Variants in PPP2R3A observed in about 807,000 individuals in gnomAD.
The protein encoded by PPP2R3A is protein phosphatase 2 regulatory subunit B''alpha.
PPP2R3A carries 80 observed loss-of-function variants against 106.9 expected under a neutral mutation model. The observed-to-expected ratio is 0.75, with a 90% CI of 0.62 to 0.90. The LOEUF is 0.90. Among genes scored for constraint, PPP2R3A ranks in the 40% least tolerant of loss-of-function variants. The pLI, the probability that PPP2R3A is intolerant of heterozygous loss-of-function variation, is 0.00. For missense variants in PPP2R3A, 1,386 were observed against 1,350.4 expected (o/e 1.03, Z -0.41); for synonymous variants, 483 against 468.3 (o/e 1.03, Z -0.41).
At chr3:136,114,831 G>T (rs1937679216) in intron 13 of PPP2R3A, among the ~76,000 whole-genome samples, 1 of 152,176 alleles carries the variant, frequency 6.6e-6, no homozygotes, top group Non-Finnish European at 1.5e-5. Flanking sequence ...GAGCATGTGG[G>T]GGAAGGGGCA....
intron 10 of PPP2R3A, among the ~76,000 whole-genome samples, chr3:136,092,894 CA>C (rs1937127695): frequency 6.6e-6 from 1 of 152,150 alleles, no homozygotes; most frequent in Non-Finnish European, 1.5e-5. Flanking sequence ...GCCAAAACTG[CA>C]ATTACTTTTG....
intron 1 of PPP2R3A, among the ~76,000 whole-genome samples, chr3:135,985,446 C>T (rs1937600925): frequency 6.6e-6 from 1 of 151,696 alleles, no homozygotes; most frequent in East Asian, 1.9e-4. Flanking sequence ...CTCTCTCACA[C>T]ACACATACTC....
intron 13 of PPP2R3A, among the ~76,000 whole-genome samples, chr3:136,113,128 A>G (rs1275007230): frequency 6.6e-6 from 1 of 151,892 alleles, no homozygotes; most frequent in Non-Finnish European, 1.5e-5. Context: ...AGAAAAAAAA[A>G]ATCATATGAA....
At chr3:136,135,597 C>A (rs946865382) in intron 13 of PPP2R3A, among the ~76,000 whole-genome samples, 9 of 152,162 alleles carry the variant, frequency 5.9e-5, no homozygotes, top group Non-Finnish European at 1.2e-4. Context: ...GGTCCACTCA[C>A]CAGCTGGGCA....
chr3:136,011,318 G>GAGAT (rs1317591265), intron 2 of PPP2R3A, among the ~76,000 whole-genome samples: 2 of 151,854 alleles, frequency 1.3e-5, no homozygotes, highest in African/African-American at 4.8e-5. Context: ...AAACCTCTAT[G>GAGAT]AGAACAGGGA....
chr3:135,976,661 C>T (rs1186542715), intron 1 of PPP2R3A, among the ~76,000 whole-genome samples: 1 of 152,144 alleles, frequency 6.6e-6, no homozygotes, highest in Non-Finnish European at 1.5e-5. Context: ...AGTCCTCTCC[C>T]TTTGTGGTAT....
chr3:136,117,985 C>T (rs149095361), intron 13 of PPP2R3A, among the ~76,000 whole-genome samples: 3 of 152,288 alleles, frequency 2.0e-5, no homozygotes, highest in Non-Finnish European at 4.4e-5. Flanking sequence ...CAATAAAATA[C>T]TGGCAAACTG....
chr3:135,966,203 A>G (rs909230224), intron 1 of PPP2R3A, among the ~76,000 whole-genome samples: 1 of 152,130 alleles, frequency 6.6e-6, no homozygotes, highest in African/African-American at 2.4e-5. Context: ...GTTCGCCCGC[A>G]CAGCCCTCGG....
chr3:135,995,447 A>ATTTTT (rs60359404), intron 1 of PPP2R3A, among the ~76,000 whole-genome samples: 43 of 87,306 alleles, frequency 4.9e-4, no homozygotes, highest in Non-Finnish European at 6.6e-4. Context: ...ACGTTGACAG[A>ATTTTT]TTTTTTTTTT....
chr3:136,146,415 T>C lies in PPP2R3A; in HGVS notation c.*1249T>C, dbSNP rs1409764588. On this transcript the variant is annotated 3_prime_UTR_variant, in exon 14 of 14. Transcript: ENST00000264977. ...TAACTAGTTCTGAAAGTGTCAAGAA[T>C]AGCTTCCCTTTCCACCCTACCTAGG... 1 of 152,198 alleles carries C rather than the reference T, an allele frequency of 6.6e-6. No individual in the cohort carries two copies. The highest frequency in any genetic ancestry group is 1.5e-5 in the Non-Finnish European group (1 of 68,034). The allele number at this position is 152,198 out of a possible 1,614,324, so 9.4% of individuals were successfully genotyped here. A position where few individuals can be genotyped will look rare whatever the true frequency, so the allele number is the denominator to read the frequency against.
chr3:136,045,810 T>C (rs1935452284), intron 4 of PPP2R3A, among the ~76,000 whole-genome samples: 1 of 152,182 alleles, frequency 6.6e-6, no homozygotes, highest in South Asian at 2.1e-4. Context: ...TCTCCCAGGT[T>C]ACAGCTTGAA....
intron 13 of PPP2R3A, among the ~76,000 whole-genome samples, chr3:136,125,620 G>A (rs1376740252): frequency 6.6e-6 from 1 of 152,174 alleles, no homozygotes; most frequent in African/African-American, 2.4e-5. Context: ...GCCAAGGTGG[G>A]AGGATCGCTT....
At chr3:136,138,222 A>G (rs1020534757) in intron 13 of PPP2R3A, among the ~76,000 whole-genome samples, 1 of 152,180 alleles carries the variant, frequency 6.6e-6, no homozygotes, top group African/African-American at 2.4e-5. Context: ...TCAAAGCCCA[A>G]TTTTAATTTA....
intron 2 of PPP2R3A, among the ~76,000 whole-genome samples, chr3:136,023,615 T>TATATATTA (rs1934542766): frequency 6.6e-6 from 1 of 152,186 alleles, no homozygotes; most frequent in Non-Finnish European, 1.5e-5. Flanking sequence ...TATATTAGCG[T>TATATATTA]GCATACACAT....
At chr3:135,985,897 TA>T (rs1932899013) in intron 1 of PPP2R3A, among the ~76,000 whole-genome samples, 1 of 152,104 alleles carries the variant, frequency 6.6e-6, no homozygotes, top group South Asian at 2.1e-4. Context: ...AGCCAGGAAC[TA>T]AAATCAAGGA....
In PPP2R3A at chr3:136,002,344, G is replaced by A. The variant is rs752058257; in HGVS notation, c.846G>A (p.Met282Ile). Residue 282 changes from methionine to isoleucine, a missense_variant, in exon 2 of 14, where the codon ATG becomes ATA. Physicochemically the swap from Met to Ile is conservative, Grantham distance 10 (BLOSUM62 1). Transcript: ENST00000264977. ...CTGAAACTGTCTATATGAATGTAAT[G>A]ACCAGGTTAGCATCCTATCTGAAAA... The part of the protein sequence containing the change: ...SSSETVYMNV[M>I]TRLASYLKKL... 1 of 1,613,810 alleles carries A rather than the reference G, an allele frequency of 6.2e-7. No homozygotes were observed. The highest frequency in any genetic ancestry group is 8.5e-7 in the Non-Finnish European group (1 of 1,179,874).
chr3:136,137,071 T>C (rs1938649338), intron 13 of PPP2R3A, among the ~76,000 whole-genome samples: 1 of 152,210 alleles, frequency 6.6e-6, no homozygotes, highest in Non-Finnish European at 1.5e-5. Flanking sequence ...ACTAAATGTG[T>C]TACCTATATG....
At chr3:136,136,083 T>A (rs201826878) in intron 13 of PPP2R3A, among the ~76,000 whole-genome samples, 9 of 60,738 alleles carry the variant, frequency 1.5e-4, no homozygotes, top group Admixed American at 2.7e-4. Context: ...ATTATATATA[T>A]ATATATATAT....
At chr3:136,090,130 G>GTA (rs1377188462) in intron 9 of PPP2R3A, among the ~76,000 whole-genome samples, 2 of 152,086 alleles carry the variant, frequency 1.3e-5, no homozygotes, top group Non-Finnish European at 2.9e-5. Context: ...AAGACTTCCA[G>GTA]TACTATGTTG....
Sources: allele counts gnomAD v4.1 joint callset (sites outside exome capture counted in the v4.1 genomes callset), GRCh38; gene constraint gnomAD v4.1.1; transcripts MANE v1.5; gene names NCBI Gene and HGNC (gene_info 2026-07-23, HGNC 2026-07-21).